The following MYLK4 variants were observed in gnomAD, a reference collection of about 807,000 sequenced individuals.
MYLK4 encodes caMLCK like.
Under a neutral mutation model 48.1 loss-of-function variants are expected in MYLK4, and 46 were observed. The ratio of observed to expected loss-of-function variants is 0.96; its 90% CI spans 0.75 to 1.22. The LOEUF is 1.22. Among genes scored for constraint, MYLK4 ranks in the 50% most tolerant of loss-of-function variants. The pLI is 0.00. For synonymous variants in MYLK4, 170 were observed against 180.8 expected (o/e 0.94, Z 0.48); for missense variants, 451 against 486.1 (o/e 0.93, Z 0.68).
chr6:2,762,810 G>A, the MYLK4 span, among the ~76,000 whole-genome samples: 2 of 152,258 alleles, frequency 1.3e-5, no homozygotes, highest in African/African-American at 2.4e-5. Flanking sequence ...CCCGGAGACC[G>A]TTAGAGGTCT....
intron 4 of MYLK4, among the ~76,000 whole-genome samples, chr6:2,687,377 G>C (rs929249381): frequency 1.6e-4 from 24 of 152,104 alleles, no homozygotes; most frequent in Non-Finnish European, 3.2e-4. Context: ...GAGAGCTGAC[G>C]GGCAGCTGGT....
intron 2 of MYLK4, among the ~76,000 whole-genome samples, chr6:2,737,321 C>G (rs1763716196): frequency 6.6e-6 from 1 of 152,174 alleles, no homozygotes; most frequent in South Asian, 2.1e-4. Context: ...CAGAAAATAA[C>G]AAAAAATAAC....
the MYLK4 span, chr6:2,765,709 C>G: frequency 6.5e-7 from 1 of 1,545,854 alleles, no homozygotes; most frequent in Non-Finnish European, 8.7e-7. Flanking sequence ...TGATGCCCGC[C>G]GCGCACATCA....
Position 2,664,175 on chromosome 6 carries a change from G to C in MYLK4, c.*3750C>G, listed in dbSNP as rs1268841498. The stretch of plus-strand genomic sequence containing the variant: ...AAGAAAATTTCTTAATCTCAAAAAG[G>C]CTTTCAGGGAGCATGGTGATGGATA... On this transcript the variant is annotated 3_prime_UTR_variant, in exon 13 of 13. Coordinates refer to ENST00000274643, the MANE Select transcript of MYLK4 (RefSeq NM_001012418.5). 1 of 152,214 alleles carries C rather than the reference G, an allele frequency of 6.6e-6. No individual in the cohort carries two copies. Among genetic ancestry groups the C allele is most frequent in the Non-Finnish European group, 1.5e-5 (1 of 68,044 alleles). The allele number at this position is 152,214 out of a possible 1,614,324, so 9.4% of individuals were successfully genotyped here. A position where few individuals can be genotyped will look rare whatever the true frequency, so the allele number is the denominator to read the frequency against.
At position 2,687,734 on chromosome 6, in the gene MYLK4, C is replaced by T. The variant is rs547134964; in HGVS notation, c.341+1117G>A. 9.2e-5 allele frequency among the ~76,000 whole-genome samples: 14 copies of T among 152,264 alleles called. No homozygotes were observed. The South Asian group carries it at 2.1e-3, about 23-fold the overall frequency. The stretch of plus-strand genomic sequence containing the variant: ...CCATTCGGCACAGGGCAAAGAAATA[C>T]GGAGTGGGAAGAGGAGGAAGGGACT... On this transcript the variant is annotated intron_variant, in intron 4 of 12. Coordinates refer to ENST00000274643, the MANE Select transcript of MYLK4 (RefSeq NM_001012418.5).
Position 2,679,387 on chromosome 6 carries a change from C to T in MYLK4, c.780G>A (p.Leu260=). ...ATTCTGGGGTTCCAAAGTTCACCTT[C>T]AGCTTCTCTCTGGGTTTGTATCTGC... ...LARRYKPREK[L]KVNFGTPEFL... is the part of the protein sequence containing the mutation. The change falls in exon 9 of 13, where the codon CTG becomes CTA. Residue 260 remains leucine, a synonymous_variant. Coordinates refer to ENST00000274643, the MANE Select transcript of MYLK4 (RefSeq NM_001012418.5). 1 of 1,614,180 alleles carries T rather than the reference C, an allele frequency of 6.2e-7. No homozygotes were observed. Among genetic ancestry groups the T allele is most frequent in the Non-Finnish European group, 8.5e-7 (1 of 1,180,016 alleles).
intron 2 of MYLK4, among the ~76,000 whole-genome samples, chr6:2,694,749 A>C (rs1272507282): frequency 6.6e-6 from 1 of 152,096 alleles, no homozygotes; most frequent in South Asian, 2.1e-4. Context: ...GCTCCTGCTA[A>C]CAGCCCTTTA....
chr6:2,669,716 C>T lies in MYLK4; in HGVS notation c.*25+1560G>A, dbSNP rs563327919. Among the ~76,000 whole-genome samples the T allele has an allele frequency of 6.6e-5, 10 of 152,242 alleles. No homozygotes were observed. In the South Asian group the frequency reaches 1.9e-3, roughly 28 times the overall value. ...GTGCCATAACCTAGGCCTGGGGGCA[C>T]GAGGGTCCTTTCTTGCTCCAGGTTG... On this transcript the variant is annotated intron_variant, in intron 12 of 12. Coordinates refer to ENST00000274643, the MANE Select transcript of MYLK4 (RefSeq NM_001012418.5).
At chr6:2,729,142 C>T (rs1763387821) in intron 2 of MYLK4, among the ~76,000 whole-genome samples, 1 of 152,218 alleles carries the variant, frequency 6.6e-6, no homozygotes, top group Non-Finnish European at 1.5e-5. Flanking sequence ...AGTTATGACA[C>T]ACACTTCATG....
chr6:2,765,929 G>A, the MYLK4 span: 1 of 1,451,198 alleles, frequency 6.9e-7, no homozygotes. Context: ...CGACGACGGC[G>A]GCGAGACCGA....
chr6:2,757,291 G>A, the MYLK4 span, among the ~76,000 whole-genome samples: 104 of 152,232 alleles, frequency 6.8e-4, no homozygotes, highest in South Asian at 1.7e-3. Context: ...ATGGCAGCTC[G>A]TAAAATGGTA....
At chr6:2,757,397 T>C in the MYLK4 span, among the ~76,000 whole-genome samples, 3 of 152,174 alleles carry the variant, frequency 2.0e-5, no homozygotes, top group Admixed American at 6.5e-5. Flanking sequence ...TGTATACTTC[T>C]GGTTAAAATG....
chr6:2,683,391 T>TTTTGTGTG (rs556476421), intron 6 of MYLK4, among the ~76,000 whole-genome samples: 1 of 126,584 alleles, frequency 7.9e-6, no homozygotes, highest in African/African-American at 2.9e-5. Context: ...CCCCACCTTT[T>TTTTGTGTG]TGTGTGTGTG....
intron 2 of MYLK4, among the ~76,000 whole-genome samples, chr6:2,698,386 T>G (rs1464638131): frequency 2.0e-5 from 3 of 152,156 alleles, no homozygotes; most frequent in African/African-American, 4.8e-5. Context: ...ATAAGAAAAC[T>G]CGGAAGTGTA....
intron 2 of MYLK4, among the ~76,000 whole-genome samples, chr6:2,694,587 GTGGTGGTGGTGGTGGTGA>G (rs1761983434): frequency 7.4e-6 from 1 of 134,542 alleles, no homozygotes; most frequent in Non-Finnish European, 1.6e-5. Flanking sequence ...GCTGGTGGTG[GTGGTGGTGGTGGTGGTGA>G]TGATTGTAGT....
At chr6:2,717,734 T>C (rs1027028430) in intron 2 of MYLK4, among the ~76,000 whole-genome samples, 3 of 152,226 alleles carry the variant, frequency 2.0e-5, no homozygotes, top group Non-Finnish European at 4.4e-5. Context: ...TTTGCCTGAG[T>C]TCCTGATAAT....
chr6:2,687,367 G>A (rs1330014876), intron 4 of MYLK4, among the ~76,000 whole-genome samples: 1 of 152,158 alleles, frequency 6.6e-6, no homozygotes, highest in Non-Finnish European at 1.5e-5. Context: ...AGCCCATAAC[G>A]AGAGCTGACG....
the MYLK4 span, chr6:2,765,557 C>G: frequency 7.2e-7 from 1 of 1,379,390 alleles, no homozygotes; most frequent in Non-Finnish European, 9.3e-7. Flanking sequence ...CGGAGGGCAT[C>G]GAAGGCCTCC....
At chr6:2,702,227 A>G (rs1290188655) in intron 2 of MYLK4, among the ~76,000 whole-genome samples, 1 of 152,176 alleles carries the variant, frequency 6.6e-6, no homozygotes, top group African/African-American at 2.4e-5. Context: ...AGATTGCCCA[A>G]ACTCAGGCCT....
Sources: allele counts gnomAD v4.1 joint callset (sites outside exome capture counted in the v4.1 genomes callset), GRCh38; gene constraint gnomAD v4.1.1; transcripts MANE v1.5; gene names NCBI Gene and HGNC (gene_info 2026-07-23, HGNC 2026-07-21).